ZNF609: variants seen among roughly 807,000 people sequenced by gnomAD.
ZNF609 encodes zinc finger protein 609.
Under a neutral mutation model 109.5 loss-of-function variants are expected in ZNF609, and 11 were observed. The ratio of observed to expected loss-of-function variants is 0.10; its 90% CI spans 0.06 to 0.17. The LOEUF is 0.17. ZNF609 is among the 10% of genes least tolerant of loss of function. ZNF609 has a pLI of 1.00. For missense variants in ZNF609, 1,559 were observed against 1,772.4 expected (o/e 0.88, Z 2.16); for synonymous variants, 646 against 662.0 (o/e 0.98, Z 0.37).
At chr15:64,658,226 C>T (rs1183004904) in intron 3 of ZNF609, among the ~76,000 whole-genome samples, 1 of 151,718 alleles carries the variant, frequency 6.6e-6, no homozygotes, top group African/African-American at 2.4e-5. Flanking sequence ...GAGACGGAGT[C>T]TTGCTCTGTT....
intron 2 of ZNF609, among the ~76,000 whole-genome samples, chr15:64,604,647 T>C (rs984726985): frequency 1.3e-5 from 2 of 152,188 alleles, no homozygotes; most frequent in South Asian, 2.1e-4. Context: ...TTTTCAGTTA[T>C]GATAGAAATC....
At chr15:64,478,402 ACT>A (rs1157249362) in intron 1 of ZNF609, among the ~76,000 whole-genome samples, 2 of 151,014 alleles carry the variant, frequency 1.3e-5, no homozygotes, top group African/African-American at 2.4e-5. Context: ...ACGGAGTCTC[ACT>A]CTGTTGCCCA....
At chr15:64,464,742 G>A (rs183165320) in intron 1 of ZNF609, among the ~76,000 whole-genome samples, 1 of 152,284 alleles carries the variant, frequency 6.6e-6, no homozygotes, top group African/African-American at 2.4e-5. Flanking sequence ...AAGTGTCAGT[G>A]AAGGACTCTT....
intron 3 of ZNF609, among the ~76,000 whole-genome samples, chr15:64,642,382 G>A (rs1164656410): frequency 2.0e-5 from 3 of 151,920 alleles, no homozygotes; most frequent in South Asian, 2.1e-4. Flanking sequence ...ACTAGGTCTC[G>A]CTGTGTTGAC....
chr15:64,517,138 G>A lies in ZNF609; in HGVS notation c.747+16972G>A, dbSNP rs192955779. Among the ~76,000 whole-genome samples, 581 of 152,262 alleles carry A rather than the reference G, an allele frequency of 3.8e-3. 6 individuals are homozygous for A. The highest frequency in any genetic ancestry group is 0.013 in the African/African-American group (557 of 41,548). On this transcript the variant is annotated intron_variant, in intron 2 of 9. Transcript: ENST00000326648. The stretch of plus-strand genomic sequence containing the variant: ...CTCCTATAAACCCAGCACTTTGGGA[G>A]GCCAAAGCACGTGGATCACCTGAGG...
intron 2 of ZNF609, among the ~76,000 whole-genome samples, chr15:64,557,996 T>TA (rs1263096412): frequency 6.6e-6 from 1 of 152,196 alleles, no homozygotes; most frequent in Non-Finnish European, 1.5e-5. Flanking sequence ...AAGATTTTCT[T>TA]AAAGGAGGAG....
At chr15:64,597,877 TCA>T (rs1895424504) in intron 2 of ZNF609, among the ~76,000 whole-genome samples, 1 of 152,180 alleles carries the variant, frequency 6.6e-6, no homozygotes, top group Non-Finnish European at 1.5e-5. Context: ...TACTTATATG[TCA>T]CACTATTCTC....
intron 2 of ZNF609, chr15:64,500,764 T>A (rs1305936470): frequency 3.8e-6 from 1 of 263,426 alleles, no homozygotes; most frequent in African/African-American, 2.2e-5. Flanking sequence ...TATGAGTTAT[T>A]GTTGTGGTTA....
rs1036415724 is a variant in ZNF609, at chr15:64,683,886, C to T, written c.*2200C>T. The T allele has an allele frequency of 6.6e-6, 1 of 152,252 alleles. No individual in the cohort carries two copies. The highest frequency in any genetic ancestry group is 1.5e-5 in the Non-Finnish European group (1 of 68,048). 9.4% of individuals were successfully genotyped at this position (152,252 alleles called of 1,614,324 possible). A position where few individuals can be genotyped will look rare whatever the true frequency, so the allele number is the denominator to read the frequency against. ...GGGCAGGCATGGCCCTGCATTCCTG[C>T]CCTTTCCACTCATTCTGTAACACAG... On this transcript the variant is annotated 3_prime_UTR_variant, in exon 10 of 10. Transcript: ENST00000326648.
intron 2 of ZNF609, among the ~76,000 whole-genome samples, chr15:64,506,693 C>G (rs1206265826): frequency 1.4e-5 from 2 of 147,334 alleles, no homozygotes; most frequent in Non-Finnish European, 3.0e-5. Context: ...GCACTCCAGC[C>G]TGGGCAACAA....
At position 64,617,810 on chromosome 15, in the gene ZNF609, A is replaced by C. The variant is rs138853716; in HGVS notation, c.748-5017A>C. On this transcript the variant is annotated intron_variant, in intron 2 of 9. Coordinates refer to ENST00000326648, the MANE Select transcript of ZNF609 (RefSeq NM_015042.2). ...AACAAACAAACAAACAAAAAGTATT[A>C]AAAGATAAAGGACATAAAGTGTTGG... Among the ~76,000 whole-genome samples the C allele has an allele frequency of 6.0e-4, 91 of 152,288 alleles. No individual in the cohort carries two copies. The East Asian group carries it at 0.015, about 25-fold the overall frequency.
chr15:64,618,881 A>G (rs1382005815), intron 2 of ZNF609, among the ~76,000 whole-genome samples: 1 of 152,138 alleles, frequency 6.6e-6, no homozygotes, highest in Non-Finnish European at 1.5e-5. Context: ...TTATAGGCAC[A>G]GGGAGGGGCT....
At chr15:64,615,110 C>A (rs1051487923) in intron 2 of ZNF609, among the ~76,000 whole-genome samples, 6 of 150,088 alleles carry the variant, frequency 4.0e-5, no homozygotes, top group Non-Finnish European at 8.9e-5. Context: ...AGCCACCAGG[C>A]CTGGCCTGTT....
At chr15:64,619,122 G>T (rs144628231) in intron 2 of ZNF609, among the ~76,000 whole-genome samples, 2 of 152,286 alleles carry the variant, frequency 1.3e-5, no homozygotes, top group African/African-American at 2.4e-5. Flanking sequence ...TAGGACTGCA[G>T]GTGTGTGCCA....
At chr15:64,550,611 C>G (rs770826351) in intron 2 of ZNF609, among the ~76,000 whole-genome samples, 1 of 151,916 alleles carries the variant, frequency 6.6e-6, no homozygotes, top group Non-Finnish European at 1.5e-5. Flanking sequence ...CTTTGGGAGG[C>G]CAAGGTGGGC....
chr15:64,534,136 C>T (rs150124836), intron 2 of ZNF609, among the ~76,000 whole-genome samples: 1,976 of 151,688 alleles, frequency 0.013, 34 homozygotes, highest in African/African-American at 0.046. Flanking sequence ...CTCAGCCTCC[C>T]GAGTAGCTGG....
chr15:64,587,864 G>C (rs921675672), intron 2 of ZNF609, among the ~76,000 whole-genome samples: 1 of 151,998 alleles, frequency 6.6e-6, no homozygotes, highest in Non-Finnish European at 1.5e-5. Flanking sequence ...AGTCTCTAAA[G>C]AAGTTATCAG....
At chr15:64,608,751 T>TGTGTA (rs1369354526) in intron 2 of ZNF609, among the ~76,000 whole-genome samples, 1 of 127,634 alleles carries the variant, frequency 7.8e-6, no homozygotes, top group East Asian at 3.9e-4. Context: ...GTGTGTGTAT[T>TGTGTA]TTTTTGATAC....
Position 64,674,284 on chromosome 15 carries a change from GGACAAAGGTAGAACCCACTGTTCT to G in ZNF609, c.1432_1455del (p.Thr478_Leu485del). On this transcript the variant is annotated inframe_deletion, in exon 5 of 10. Transcript: ENST00000326648. ...GGCTCAGCCACTGGCCCCCTTCCTG[GGACAAAGGTAGAACCCACTGTTCT>G]GGACAGAAACTGCCCCTCCCCCGTC... 1 of 1,614,094 alleles carries G rather than the reference GGACAAAGGTAGAACCCACTGTTCT, an allele frequency of 6.2e-7. No homozygotes were observed. Among genetic ancestry groups the G allele is most frequent in the Non-Finnish European group, 8.5e-7 (1 of 1,180,012 alleles).
Sources: gnomAD v4.1 joint callset for allele counts (sites outside exome capture counted in the v4.1 genomes callset) on GRCh38, gnomAD v4.1.1 for gene constraint, MANE v1.5 for transcripts, NCBI Gene and HGNC (gene_info 2026-07-23, HGNC 2026-07-21) for gene names.